The following THSD7A variants were observed in gnomAD, a reference collection of about 807,000 sequenced individuals.
The protein encoded by THSD7A is thrombospondin type 1 domain containing 7A.
Under a neutral mutation model 231.3 loss-of-function variants are expected in THSD7A, and 96 were observed. The ratio of observed to expected loss-of-function variants is 0.41; its 90% CI spans 0.35 to 0.49. The LOEUF (loss-of-function observed/expected upper bound fraction) is 0.49, where lower values mean the gene tolerates loss of function less well. Among genes scored for constraint, THSD7A ranks in the 20% least tolerant of loss-of-function variants. The pLI, the probability that THSD7A is intolerant of heterozygous loss-of-function variation, is 0.05. For synonymous variants in THSD7A, 940 were observed against 743.3 expected (o/e 1.26, Z -4.30); for missense variants, 2,290 against 2,070.2 (o/e 1.11, Z -2.06).
At chr7:11,412,490 A>G (rs763680725) in intron 18 of THSD7A, among the ~76,000 whole-genome samples, 166 bp downstream of exon 18, 2 of 151,954 alleles carry the variant, frequency 1.3e-5, no homozygotes, top group Non-Finnish European at 2.9e-5. Flanking sequence ...TAAAAAAAAA[A>G]CCCAGATAAG....
intron 4 of THSD7A, among the ~76,000 whole-genome samples, chr7:11,583,226 A>G (rs1411907674): frequency 1.3e-5 from 2 of 151,616 alleles, no homozygotes; most frequent in Non-Finnish European, 2.9e-5. Flanking sequence ...AATCTTGTAA[A>G]GTTTTTCCTT....
chr7:11,557,903 C>G lies in THSD7A; in HGVS notation c.1454-14786G>C, dbSNP rs139909786. Among the ~76,000 whole-genome samples the G allele has an allele frequency of 8.2e-3, 1,243 of 152,230 alleles. 10 individuals carry two copies. Among genetic ancestry groups the G allele is most frequent in the Non-Finnish European group, 0.012 (836 of 67,996 alleles). ...CATTACAGTATCACAAGGGTGAAAACTGAGGTTCCCATCACGACTTTGCTG... is the reference window on the plus strand; with the variant it reads ...CATTACAGTATCACAAGGGTGAAAAGTGAGGTTCCCATCACGACTTTGCTG... On this transcript the variant is annotated intron_variant, in intron 4 of 27. Coordinates refer to ENST00000423059, the MANE Select transcript of THSD7A (RefSeq NM_015204.3).
Position 11,375,678 on chromosome 7 carries a change from A to G in THSD7A, c.*116T>C, listed in dbSNP as rs1288193667. On this transcript the variant is annotated 3_prime_UTR_variant, in exon 28 of 28. Coordinates refer to ENST00000423059, the MANE Select transcript of THSD7A (RefSeq NM_015204.3). The stretch of plus-strand genomic sequence containing the variant: ...TTTTCACTCTTGTCTTTATGATGCC[A>G]TTTTTAAAAATTAAAATATATTTTA... 3 of 845,970 alleles carry G rather than the reference A, an allele frequency of 3.5e-6. No homozygotes were observed. The highest frequency in any genetic ancestry group is 3.5e-5 in the African/African-American group (2 of 57,488). 52.4% of individuals were successfully genotyped at this position (845,970 alleles called of 1,614,324 possible). A position where few individuals can be genotyped will look rare whatever the true frequency, so the allele number is the denominator to read the frequency against.
chr7:11,742,379 G>T (rs1309299858), intron 1 of THSD7A, among the ~76,000 whole-genome samples: 1 of 151,730 alleles, frequency 6.6e-6, no homozygotes, highest in Admixed American at 6.6e-5. Flanking sequence ...TACGCCCTTT[G>T]CCTATTGCCT....
At chr7:11,735,060 G>C (rs1526537) in intron 1 of THSD7A, among the ~76,000 whole-genome samples, 4 of 151,524 alleles carry the variant, frequency 2.6e-5, no homozygotes, top group Admixed American at 1.3e-4. Flanking sequence ...TTCAAATTCC[G>C]TTTCTGAAAT....
chr7:11,524,361 A>G (rs1026657897), intron 6 of THSD7A, among the ~76,000 whole-genome samples: 2 of 152,166 alleles, frequency 1.3e-5, no homozygotes, highest in African/African-American at 4.8e-5. Context: ...CTAGTACAAC[A>G]GAGCTTGGTA....
At chr7:11,640,832 A>C (rs1372216456) in intron 1 of THSD7A, among the ~76,000 whole-genome samples, 1 of 152,160 alleles carries the variant, frequency 6.6e-6, no homozygotes, top group Non-Finnish European at 1.5e-5. Context: ...TCTTATTTAT[A>C]ACACCATGAA....
Position 11,474,446 on chromosome 7 carries a change from A to C in THSD7A, c.2140T>G (p.Ser714Ala). 1 of 1,613,596 alleles carries C rather than the reference A, an allele frequency of 6.2e-7. No homozygotes were observed. The highest frequency in any genetic ancestry group is 8.5e-7 in the Non-Finnish European group (1 of 1,179,622). The change falls in exon 8 of 28, where the codon TCG becomes GCG. Residue 714 changes from serine to alanine, a missense_variant. Coordinates refer to ENST00000423059, the MANE Select transcript of THSD7A (RefSeq NM_015204.3). The surrounding 1 kb of genome is among the most constrained non-coding windows in gnomAD (Gnocchi z 4.1). ...CAAGTCGTAGTTGTGTTGAAGGACGATACTGAGGTGTCCTCAATGCACTGG... is the reference window on the plus strand; with the variant it reads ...CAAGTCGTAGTTGTGTTGAAGGACGCTACTGAGGTGTCCTCAATGCACTGG... ...WGQCIEDTSV[S>A]SFNTTTTWNG... is the part of the protein sequence containing the mutation.
At chr7:11,715,062 G>T (rs10267163) in intron 1 of THSD7A, among the ~76,000 whole-genome samples, 6,748 of 151,410 alleles carry the variant, frequency 0.045, 510 homozygotes, top group African/African-American at 0.15. Flanking sequence ...ACTCTTCCAG[G>T]TCAGTAAAAG....
chr7:11,519,549 A>G (rs527648201), intron 6 of THSD7A, among the ~76,000 whole-genome samples: 44 of 152,224 alleles, frequency 2.9e-4, no homozygotes, highest in African/African-American at 1.0e-3. Flanking sequence ...ATCCTCGCTA[A>G]CTCTTGGAAT....
At position 11,832,034 on chromosome 7, in the gene THSD7A, C is replaced by G. The variant is rs560972125; in HGVS notation, c.-88G>C. ...TCTTGGAACGTCTTTTCAAAGAGTACAGAAAGCAAAGCTCTTTCCTGCTAT... is the reference window on the plus strand; with the variant it reads ...TCTTGGAACGTCTTTTCAAAGAGTAGAGAAAGCAAAGCTCTTTCCTGCTAT... On this transcript the variant is annotated 5_prime_UTR_variant, in exon 1 of 28. Coordinates refer to ENST00000423059, the MANE Select transcript of THSD7A (RefSeq NM_015204.3). The G allele has an allele frequency of 5.0e-4, 459 of 910,654 alleles. No homozygotes were observed. In the African/African-American group the frequency reaches 7.4e-3, roughly 15 times the overall value. The allele number at this position is 910,654 out of a possible 1,614,324, so 56.4% of individuals were successfully genotyped here.
chr7:11,718,122 G>A (rs1360797142), intron 1 of THSD7A, among the ~76,000 whole-genome samples: 1 of 151,634 alleles, frequency 6.6e-6, no homozygotes, highest in Non-Finnish European at 1.5e-5. Flanking sequence ...TTTGTAGAGA[G>A]CATGCTGCAT....
chr7:11,395,340 C>T (rs921854654), intron 23 of THSD7A, among the ~76,000 whole-genome samples: 20 of 152,078 alleles, frequency 1.3e-4, no homozygotes, highest in Admixed American at 3.9e-4. Context: ...TAGAGACCTA[C>T]AAAGAGAGTT....
At chr7:11,655,533 T>A (rs1238487935) in intron 1 of THSD7A, among the ~76,000 whole-genome samples, 2 of 151,918 alleles carry the variant, frequency 1.3e-5, no homozygotes, top group Non-Finnish European at 2.9e-5. Flanking sequence ...TTCTTCCTAA[T>A]AAGACTCTTG....
At chr7:11,660,003 A>G (rs563236920) in intron 1 of THSD7A, among the ~76,000 whole-genome samples, 111 of 151,686 alleles carry the variant, frequency 7.3e-4, no homozygotes, top group Non-Finnish European at 7.4e-4. Context: ...CCTCCAAGGT[A>G]ATTTACATGT....
chr7:11,749,366 G>C (rs1281319346), intron 1 of THSD7A, among the ~76,000 whole-genome samples: 1 of 151,810 alleles, frequency 6.6e-6, no homozygotes, highest in Non-Finnish European at 1.5e-5. Context: ...TTAATTCTTA[G>C]AGCATGTTGG....
At chr7:11,598,150 G>A (rs1051750784) in intron 2 of THSD7A, among the ~76,000 whole-genome samples, 2 of 152,160 alleles carry the variant, frequency 1.3e-5, no homozygotes, top group African/African-American at 4.8e-5. Flanking sequence ...GAGGAGAAAT[G>A]GCCTGATGTG....
chr7:11,438,421 G>T (rs1435847980), intron 13 of THSD7A, among the ~76,000 whole-genome samples: 1 of 151,878 alleles, frequency 6.6e-6, no homozygotes, highest in Admixed American at 6.6e-5. Context: ...TTTTTAAAGA[G>T]AAACTTTGGG....
chr7:11,702,983 C>A (rs1001922493), intron 1 of THSD7A, among the ~76,000 whole-genome samples: 1 of 151,236 alleles, frequency 6.6e-6, no homozygotes, highest in Non-Finnish European at 1.5e-5. Flanking sequence ...TTTGCTCAGT[C>A]TTCTGGAAAC....
Sources: gnomAD v4.1 joint callset for allele counts (sites outside exome capture counted in the v4.1 genomes callset) on GRCh38, gnomAD v4.1.1 for gene constraint, Gnocchi (gnomAD v3.1) non-coding constraint, MANE v1.5 for transcripts, NCBI Gene and HGNC (gene_info 2026-07-23, HGNC 2026-07-21) for gene names.